SSBP3: variants seen among roughly 807,000 people sequenced by gnomAD.
SSBP3 encodes the protein single-stranded DNA-binding protein 3.
In SSBP3, 5 loss-of-function variants were observed where a neutral mutation model predicts 69.6. The ratio of observed to expected loss-of-function variants is 0.07; its 90% CI spans 0.04 to 0.15. The LOEUF (loss-of-function observed/expected upper bound fraction) is 0.15. Among genes scored for constraint, SSBP3 ranks in the 10% least tolerant of loss-of-function variants. SSBP3 has a pLI of 1.00. For missense variants in SSBP3, 312 were observed against 534.0 expected, an observed-to-expected ratio of 0.58 and a Z score of 4.10; for synonymous variants, 196 against 193.4, an observed-to-expected ratio of 1.01 and a Z score of -0.11.
At chr1:54,225,434 C>A (rs1227132173) in exon 18 of SSBP3, 6 of 1,230,478 alleles carry the variant, frequency 4.9e-6, no homozygotes, top group Non-Finnish European at 5.1e-6. Flanking sequence ...GGAAGGGCTG[C>A]GGAAAAAAGA....
intron 14 of SSBP3, chr1:54,238,213 A>G (rs1466327598): frequency 8.5e-6 from 4 of 470,982 alleles, no homozygotes; most frequent in Non-Finnish European, 1.8e-5. Flanking sequence ...GGGGTTTAAC[A>G]CGTGGGGTGA....
intron 4 of SSBP3, among the ~76,000 whole-genome samples, chr1:54,360,450 C>T (rs1250414762): frequency 6.6e-6 from 1 of 152,198 alleles, no homozygotes; most frequent in Non-Finnish European, 1.5e-5. Context: ...CTCTCTAAAA[C>T]ATCTCTTCTC....
At chr1:54,348,281 T>G in intron 4 of SSBP3, among the ~76,000 whole-genome samples, 1 of 126,656 alleles carries the variant, frequency 7.9e-6, no homozygotes, top group Non-Finnish European at 1.7e-5. Context: ...CAGGTGGAAA[T>G]TAGCAGAGAG....
intron 5 of SSBP3, among the ~76,000 whole-genome samples, chr1:54,270,108 C>T (rs1051627520): frequency 1.3e-5 from 2 of 152,194 alleles, no homozygotes; most frequent in Non-Finnish European, 2.9e-5. Flanking sequence ...TTCATTCTGA[C>T]CACACACCTT....
At chr1:54,302,099 A>T (rs1041718755) in intron 4 of SSBP3, among the ~76,000 whole-genome samples, 2 of 151,890 alleles carry the variant, frequency 1.3e-5, no homozygotes, top group Admixed American at 1.3e-4. Context: ...TGCCACTCCC[A>T]CTCATACCAT....
intron 4 of SSBP3, among the ~76,000 whole-genome samples, chr1:54,387,239 A>G (rs1218758400): frequency 1.3e-5 from 2 of 152,198 alleles, no homozygotes; most frequent in Non-Finnish European, 2.9e-5. Flanking sequence ...TGGCCAGAAA[A>G]AAGCCTGAAG....
chr1:54,341,745 G>A (rs1181624737), intron 4 of SSBP3, among the ~76,000 whole-genome samples: 1 of 152,026 alleles, frequency 6.6e-6, no homozygotes, highest in Non-Finnish European at 1.5e-5. Context: ...GAGCCAAGTG[G>A]GTACATGACA....
chr1:54,244,917 G>C (rs965342303), intron 9 of SSBP3, among the ~76,000 whole-genome samples: 5 of 152,070 alleles, frequency 3.3e-5, no homozygotes, highest in Admixed American at 2.6e-4. Context: ...TCATGGCCAC[G>C]TGTCTGTCCA....
intron 14 of SSBP3, among the ~76,000 whole-genome samples, chr1:54,231,934 T>C (rs563846251): frequency 1.3e-5 from 2 of 152,156 alleles, no homozygotes; most frequent in African/African-American, 2.4e-5. Flanking sequence ...CCTCAAATGA[T>C]CCACCTGTTT....
chr1:54,307,205 CCACACCCCCACTATGGT>C (rs1203787083), intron 4 of SSBP3, among the ~76,000 whole-genome samples: 1 of 152,098 alleles, frequency 6.6e-6, no homozygotes, highest in African/African-American at 2.4e-5. Context: ...CCAGTTATGG[CCACACCCCCACTATGGT>C]CACGCCCCCA....
chr1:54,377,425 C>G (rs1647283693), intron 4 of SSBP3, among the ~76,000 whole-genome samples: 1 of 152,240 alleles, frequency 6.6e-6, no homozygotes, highest in South Asian at 2.1e-4. Context: ...GAGCTCTAGG[C>G]ATTGTTGTCT....
chr1:54,391,251 G>C (rs1010721520), intron 4 of SSBP3, among the ~76,000 whole-genome samples: 1 of 152,172 alleles, frequency 6.6e-6, no homozygotes, highest in Non-Finnish European at 1.5e-5. Flanking sequence ...CTTCCAAAAA[G>C]CTGGAGGGGC....
chr1:54,296,926 A>C (rs902655210), intron 4 of SSBP3, among the ~76,000 whole-genome samples: 2 of 151,580 alleles, frequency 1.3e-5, no homozygotes, highest in Admixed American at 1.3e-4. Flanking sequence ...ACATCCTAAG[A>C]CTCTATGTAG....
intron 4 of SSBP3, among the ~76,000 whole-genome samples, chr1:54,320,800 C>T (rs192008892): frequency 5.9e-5 from 9 of 152,148 alleles, no homozygotes; most frequent in Non-Finnish European, 1.2e-4. Context: ...AATCCACACA[C>T]GGAAGCTTCT....
At chr1:54,382,092 G>C (rs1411206694) in intron 4 of SSBP3, among the ~76,000 whole-genome samples, 2 of 152,222 alleles carry the variant, frequency 1.3e-5, no homozygotes, top group Non-Finnish European at 2.9e-5. Context: ...TTCTCTGGAG[G>C]CTTAGGAAGG....
intron 4 of SSBP3, among the ~76,000 whole-genome samples, chr1:54,302,041 G>A (rs1285562226): frequency 1.3e-5 from 2 of 152,232 alleles, no homozygotes; most frequent in Non-Finnish European, 2.9e-5. Flanking sequence ...TCCAGAGGGC[G>A]GCTGGGTGGG....
At chr1:54,304,777 G>A (rs1273099104) in intron 4 of SSBP3, among the ~76,000 whole-genome samples, 1 of 152,208 alleles carries the variant, frequency 6.6e-6, no homozygotes, top group African/African-American at 2.4e-5. Context: ...ACAGACAGGT[G>A]CCTCACCAGT....
intron 4 of SSBP3, among the ~76,000 whole-genome samples, chr1:54,369,217 T>TCGGGGG (rs1647080307): frequency 1.1e-5 from 1 of 92,588 alleles, no homozygotes; most frequent in African/African-American, 6.7e-5. Flanking sequence ...TCCTCTTGAG[T>TCGGGGG]CGGGGGGGGG....
intron 4 of SSBP3, among the ~76,000 whole-genome samples, chr1:54,377,322 C>T (rs184837942): frequency 2.0e-5 from 3 of 152,232 alleles, no homozygotes; most frequent in African/African-American, 7.2e-5. Flanking sequence ...TCCGTAAACC[C>T]GAAGGGCAGG....
Sources: allele counts gnomAD v4.1 joint callset (sites outside exome capture counted in the v4.1 genomes callset), GRCh38; gene constraint gnomAD v4.1.1; transcripts MANE v1.5; gene names NCBI Gene and HGNC (gene_info 2026-07-23, HGNC 2026-07-21).